The following PAXIP1 variants were observed in gnomAD, a reference collection of about 807,000 sequenced individuals.
The protein encoded by PAXIP1 is PAX-interacting protein 1.
A neutral mutation model predicts 140.6 loss-of-function variants in PAXIP1; 19 were observed. The observed-to-expected ratio is 0.14, with a 90% CI of 0.09 to 0.20. The LOEUF (loss-of-function observed/expected upper bound fraction) is 0.20, where lower values mean the gene tolerates loss of function less well. Ranked by LOEUF, PAXIP1 falls within the 10% of genes least tolerant of loss-of-function variation. The pLI is 1.00. For synonymous variants in PAXIP1, 442 were observed against 444.6 expected (o/e 0.99, Z 0.07); for missense variants, 920 against 1,208.6 (o/e 0.76, Z 3.54).
chr7:154,989,212 T>A (rs1810211080), intron 4 of PAXIP1, among the ~76,000 whole-genome samples: 2 of 152,208 alleles, frequency 1.3e-5, no homozygotes, highest in South Asian at 4.1e-4. Flanking sequence ...CAGATAAATT[T>A]ACTTATTACT....
Position 154,991,066 on chromosome 7 carries a change from T to G in PAXIP1, c.264A>C (p.Val88=). 6.7e-7 allele frequency: 1 copy of G among 1,502,756 alleles called. No homozygotes were observed. Among genetic ancestry groups the G allele is most frequent in the South Asian group, 1.2e-5 (1 of 81,338 alleles). The allele number at this position is 1,502,756 out of a possible 1,614,324, so 93.1% of individuals were successfully genotyped here. ...LSVQCGTLLP[V]NGFSPESCQI... The stretch of plus-strand genomic sequence containing the variant: ...GACATGATTCTGGAGAAAAACCATT[T>G]ACTCTGTTTTATAGTTATTAAGATT... Residue 88 remains valine (V), a synonymous_variant, in exon 4 of 21, where the codon GTA becomes GTC. Coordinates refer to ENST00000404141, the MANE Select transcript of PAXIP1 (RefSeq NM_007349.4).
rs1046290410 is a variant in PAXIP1 at position 154,986,301 on chromosome 7, A to C, written c.325-2969T>G. 5.8e-6 allele frequency: 3 copies of C among 518,976 alleles called. No homozygotes were observed. The highest frequency in any genetic ancestry group is 4.0e-5 in the African/African-American group (2 of 49,552). The allele number at this position is 518,976 out of a possible 1,614,324, so 32.1% of individuals were successfully genotyped here. On this transcript the variant is annotated intron_variant, in intron 4 of 20. Coordinates refer to ENST00000404141, the MANE Select transcript of PAXIP1 (RefSeq NM_007349.4). This position sits in a 1 kb window ranked among gnomAD's most constrained non-coding sequence, Gnocchi z 4.8. ...GCGCATGGGTGCTCCAGTGTGCAGA[A>C]AAGGTGCAGATCCCTCTGACAGTCT...
At chr7:154,959,126 C>T (rs1808650209) in intron 13 of PAXIP1, among the ~76,000 whole-genome samples, 1 of 152,182 alleles carries the variant, frequency 6.6e-6, no homozygotes, top group Non-Finnish European at 1.5e-5. Context: ...GTGTTAGCTG[C>T]TAATCCTCAT....
intron 13 of PAXIP1, among the ~76,000 whole-genome samples, chr7:154,958,314 T>C (rs1018734991): frequency 2.0e-5 from 3 of 152,254 alleles, no homozygotes; most frequent in Non-Finnish European, 2.9e-5. Flanking sequence ...TCCTCCTTCA[T>C]AGTTTCAACT....
chr7:155,002,982 C>CGCCCCCG lies in PAXIP1; in HGVS notation c.-60_-54dup. ...GCGGCGCCCGGCCCCGCCCACCCCC[C>CGCCCCCG]GCCCCCGGCCCCCGCGGCGCCCGGC... On this transcript the variant is annotated 5_prime_UTR_variant, in exon 1 of 21. Transcript: ENST00000404141. 1.3e-6 allele frequency: 1 copy of CGCCCCCG among 793,720 alleles called. No individual in the cohort carries two copies. The highest frequency in any genetic ancestry group is 1.5e-6 in the Non-Finnish European group (1 of 653,522). The allele number at this position is 793,720 out of a possible 1,614,324, so 49.2% of individuals were successfully genotyped here. A position where few individuals can be genotyped will look rare whatever the true frequency, so the allele number is the denominator to read the frequency against.
chr7:154,977,620 G>A (rs1276577531), intron 5 of PAXIP1, among the ~76,000 whole-genome samples: 1 of 152,166 alleles, frequency 6.6e-6, no homozygotes, highest in Non-Finnish European at 1.5e-5. Context: ...GAAAAACCTA[G>A]TCATGGGAGA....
At chr7:154,967,763 TAAGA>T (rs1394787285) in intron 8 of PAXIP1, 49 bp downstream of exon 8, 2 of 1,248,034 alleles carry the variant, frequency 1.6e-6, no homozygotes, top group Admixed American at 1.8e-5. Context: ...TACATCTACA[TAAGA>T]AAGAAGCATC....
At chr7:154,983,155 G>A in intron 5 of PAXIP1, 64 bp downstream of exon 5, 1 of 750,270 alleles carries the variant, frequency 1.3e-6, no homozygotes, top group Non-Finnish European at 2.2e-6. Flanking sequence ...GCTCAAAAAA[G>A]ACATGTGATT....
Position 154,954,488 on chromosome 7 carries a change from G to T in PAXIP1, c.2653-65C>A. On this transcript the variant is annotated intron_variant, in intron 15 of 20. Transcript: ENST00000404141. The surrounding 1 kb of genome is among the most constrained non-coding windows in gnomAD (Gnocchi z 5.1). ...GCATCCACAGAGCCACACTGACACA[G>T]AGTAACACAGAGGAATATCTACCTA... 9.2e-7 allele frequency: 1 copy of T among 1,086,988 alleles called. No homozygotes were observed. The highest frequency in any genetic ancestry group is 1.2e-6 in the Non-Finnish European group (1 of 812,820). 67.3% of individuals were successfully genotyped at this position (1,086,988 alleles called of 1,614,324 possible).
At chr7:154,983,412 G>T in intron 4 of PAXIP1, 80 bp from the exon 5 acceptor site, 1 of 682,676 alleles carries the variant, frequency 1.5e-6, no homozygotes, top group Non-Finnish European at 2.6e-6. Flanking sequence ...GTAATATACT[G>T]CAACAATTCT....
rs773552232 is a variant in PAXIP1 at position 154,962,463 on chromosome 7, C to T, written c.1990-5G>A. 1.2e-6 allele frequency: 2 copies of T among 1,610,638 alleles called. No individual in the cohort carries two copies. Among genetic ancestry groups the T allele is most frequent in the South Asian group, 2.2e-5 (2 of 90,590 alleles). On this transcript the variant is annotated splice_polypyrimidine_tract_variant and splice_region_variant and intron_variant, in intron 9 of 20. Transcript: ENST00000404141. ...TCTCTTTCTTTCTCTTATTGCCTGT[C>T]AAACATAAAATTATAGGTTTGTTGT... is the stretch of plus-strand genomic sequence containing the variant.
chr7:154,944,353 G>A, intron 20 of PAXIP1, 189 bp from the exon 21 acceptor site: 1 of 515,988 alleles, frequency 1.9e-6, no homozygotes, highest in East Asian at 3.2e-5. Flanking sequence ...CCGACACACA[G>A]GCTCACTCAG....
intron 20 of PAXIP1, chr7:154,944,412 G>T: frequency 2.7e-6 from 1 of 370,476 alleles, no homozygotes; most frequent in Non-Finnish European, 5.0e-6. Context: ...TCCACCATGC[G>T]GCCAGAACTG....
Position 154,991,051 on chromosome 7 carries a change from T to C in PAXIP1, c.279A>G (p.Pro93=), listed in dbSNP as rs1278168963. ...TTCCAAAAAAAATCTGACATGATTC[T>C]GGAGAAAAACCATTTACTCTGTTTT... ...GTLLPVNGFS[P]ESCQIFFGIT... is the part of the protein sequence containing the mutation. Residue 93 remains proline (P), a synonymous_variant, in exon 4 of 21, where the codon CCA becomes CCG. Transcript: ENST00000404141. The C allele has an allele frequency of 6.5e-7, 1 of 1,540,888 alleles. No individual in the cohort carries two copies. Among genetic ancestry groups the C allele is most frequent in the Admixed American group, 2.0e-5 (1 of 49,974 alleles).
chr7:154,946,589 TA>T lies in PAXIP1; in HGVS notation c.3058-3del. ...TATTAAAATTATTTCCGACAAACTC[TA>T]AGGAAAAGAAAATGAGTTTCTCAGT... On this transcript the variant is annotated splice_region_variant and splice_polypyrimidine_tract_variant and intron_variant, in intron 18 of 20. Transcript: ENST00000404141. The surrounding 1 kb of genome is among the most constrained non-coding windows in gnomAD (Gnocchi z 4.9). 2 of 1,613,468 alleles carry T rather than the reference TA, an allele frequency of 1.2e-6. No individual in the cohort carries two copies. The highest frequency in any genetic ancestry group is 1.7e-6 in the Non-Finnish European group (2 of 1,179,536).
At chr7:154,983,198 G>A (rs1255670737) in intron 5 of PAXIP1, 21 bp downstream of exon 5, 2 of 1,228,780 alleles carry the variant, frequency 1.6e-6, no homozygotes, top group Admixed American at 2.3e-5. Context: ...ACAAAAAGAA[G>A]GTGGCACAAG....
At chr7:154,967,991 A>G (rs1809098617) in intron 7 of PAXIP1, 81 bp from the exon 8 acceptor site, 7 of 828,514 alleles carry the variant, frequency 8.4e-6, no homozygotes, top group Middle Eastern at 2.4e-4. Context: ...GGCGCCTCAC[A>G]ATGTCAATCT....
rs753190856 is a variant in PAXIP1, at chr7:154,991,029, C to CA, written c.300dup (p.Gly101TrpfsTer12). ...ACCTGAGAAAGGCAGGCAGTGATTC[C>CA]AAAAAAAATCTGACATGATTCTGGA... On this transcript the variant is annotated frameshift_variant, in exon 4 of 21. Transcript: ENST00000404141. LOFTEE classifies it high-confidence loss of function. 200 of 1,541,918 alleles carry CA rather than the reference C, an allele frequency of 1.3e-4. No homozygotes were observed. The highest frequency in any genetic ancestry group is 6.6e-4 in the Admixed American group (33 of 50,022).
chr7:154,945,161 T>A (rs1251498945), intron 20 of PAXIP1: 8 of 152,072 alleles, frequency 5.3e-5, no homozygotes, highest in African/African-American at 1.9e-4. Context: ...TTTTTCTATT[T>A]TTAGTAGAGC....
Sources: allele counts gnomAD v4.1 joint callset (sites outside exome capture counted in the v4.1 genomes callset), GRCh38; gene constraint gnomAD v4.1.1; non-coding constraint Gnocchi (gnomAD v3.1); transcripts MANE v1.5; gene names NCBI Gene and HGNC (gene_info 2026-07-23, HGNC 2026-07-21).